Variants in DBX2 observed in about 807,000 individuals in gnomAD.
DBX2 encodes the protein homeobox protein DBX2.
In DBX2, 16 loss-of-function variants were observed where a neutral mutation model predicts 17.7. That is an observed-to-expected ratio of 0.90 (90% CI 0.61 to 1.37). The LOEUF is 1.37. Ranked by LOEUF, DBX2 falls within the 40% of genes most tolerant of loss-of-function variation. DBX2 has a pLI of 0.00. For synonymous variants in DBX2, 255 were observed against 183.8 expected (o/e 1.39, Z -3.13); for missense variants, 538 against 433.8 (o/e 1.24, Z -2.13).
Position 45,032,734 on chromosome 12 carries a change from T to C in DBX2, c.499+3285A>G, listed in dbSNP as rs547182224. ...GAATATTTGGCTCAAATCTTTATAA[T>C]GCTGCTCCAAATTTAACCTTTGTCT... On this transcript the variant is annotated intron_variant, in intron 2 of 3. Transcript: ENST00000332700. 2.0e-5 allele frequency among the ~76,000 whole-genome samples: 3 copies of C among 152,312 alleles called. No individual in the cohort carries two copies. The South Asian group carries it at 6.2e-4, about 32-fold the overall frequency.
intron 3 of DBX2, among the ~76,000 whole-genome samples, chr12:45,022,311 T>TTG (rs1946357378): frequency 7.2e-6 from 1 of 139,342 alleles, no homozygotes; most frequent in South Asian, 2.5e-4. Flanking sequence ...TTTTTTTTTT[T>TTG]TTTTTTTTTT....
At chr12:45,022,443 A>G (rs1946358441) in intron 3 of DBX2, among the ~76,000 whole-genome samples, 1 of 151,232 alleles carries the variant, frequency 6.6e-6, no homozygotes, top group East Asian at 1.9e-4. Context: ...AGCTGGGACT[A>G]CAGGCGCCAG....
rs1394128508 is a variant in DBX2 at position 45,050,628 on chromosome 12, T to G, written c.300A>C (p.Gly100=). 13 of 1,549,860 alleles carry G rather than the reference T, an allele frequency of 8.4e-6. No individual in the cohort carries two copies. Among genetic ancestry groups the G allele is most frequent in the Admixed American group, 2.0e-5 (1 of 51,058 alleles). Residue 100 remains glycine (G), a synonymous_variant, in exon 1 of 4, where the codon GGA becomes GGC. Coordinates refer to ENST00000332700, the MANE Select transcript of DBX2 (RefSeq NM_001004329.3). ...EQVSPAGAPY[G]TRWAFQVLSP... ...TGAGCACTTGAAAAGCCCACCGCGT[T>G]CCGTAGGGCGCCCCGGCGGGGCTAA...
intron 1 of DBX2, among the ~76,000 whole-genome samples, chr12:45,036,692 C>T (rs1309660095): frequency 6.6e-6 from 1 of 152,124 alleles, no homozygotes; most frequent in East Asian, 1.9e-4. Flanking sequence ...TATCTCTTTG[C>T]TTATTTTCAG....
intron 1 of DBX2, among the ~76,000 whole-genome samples, chr12:45,046,311 T>C (rs1393109348): frequency 6.6e-6 from 1 of 152,126 alleles, no homozygotes; most frequent in East Asian, 1.9e-4. Context: ...GGAAAGAATA[T>C]GGTTCTGGTA....
At chr12:45,038,528 A>C (rs1037005667) in intron 1 of DBX2, among the ~76,000 whole-genome samples, 1 of 151,428 alleles carries the variant, frequency 6.6e-6, no homozygotes, top group Non-Finnish European at 1.5e-5. Context: ...TATTGCATAC[A>C]TATTGCATCC....
intron 2 of DBX2, among the ~76,000 whole-genome samples, chr12:45,031,191 A>AGTGTGTGTGTGTGTGTGTGTGTGT (rs113442613): frequency 1.0e-5 from 1 of 99,328 alleles, no homozygotes; most frequent in African/African-American, 3.7e-5. Context: ...CTTATTTTCA[A>AGTGTGTGTGTGTGTGTGTGTGTGT]GTGTGTGTGT....
At chr12:45,044,951 A>G (rs1018640460) in intron 1 of DBX2, among the ~76,000 whole-genome samples, 3 of 152,200 alleles carry the variant, frequency 2.0e-5, no homozygotes, top group Non-Finnish European at 2.9e-5. Context: ...TGGAAACATT[A>G]CTGAAAGTAA....
chr12:45,043,748 T>G (rs563949158), intron 1 of DBX2, among the ~76,000 whole-genome samples: 1 of 152,308 alleles, frequency 6.6e-6, no homozygotes, highest in South Asian at 2.1e-4. Context: ...TTCAAGCCAC[T>G]GAGTTTTGGG....
rs761883356 is a variant in DBX2 at position 45,036,087 on chromosome 12, G to T, written c.431C>A (p.Thr144Asn). ...PAPSKPFLLSTPPFYSACCGG... is the reference protein window; with the variant it reads ...PAPSKPFLLSNPPFYSACCGG... ...GCAGCACGCCGAGTAGAATGGCGGG[G>T]TGCTCAGAAGGAAAGGTTTGGAAGG... The change falls in exon 2 of 4, where the codon ACC (threonine) becomes AAC (asparagine). Residue 144 changes from threonine to asparagine, a missense_variant. By Grantham distance (65) the Thr-to-Asn change is moderately conservative (BLOSUM62 0). Transcript: ENST00000332700. The T allele has an allele frequency of 6.2e-6, 10 of 1,613,390 alleles. No homozygotes were observed. Among genetic ancestry groups the T allele is most frequent in the Admixed American group, 3.3e-5 (2 of 59,900 alleles).
chr12:45,050,763 C>G lies in DBX2; in HGVS notation c.165G>C (p.Gln55His), dbSNP rs1946527895. ...RVGGAPTPRL[Q>H]PPAPHDPATA... ...TCGCCGGGTCGTGGGGCGCGGGCGG[C>G]TGCAGCCTGGGCGTTGGGGCGCCCC... Residue 55 changes from glutamine to histidine, a missense_variant, in exon 1 of 4, where the codon CAG becomes CAC. Transcript: ENST00000332700. 5 of 1,507,138 alleles carry G rather than the reference C, an allele frequency of 3.3e-6. No individual in the cohort carries two copies. Among genetic ancestry groups the G allele is most frequent in the Non-Finnish European group, 4.4e-6 (5 of 1,129,008 alleles). The allele number at this position is 1,507,138 out of a possible 1,614,324, so 93.4% of individuals were successfully genotyped here.
chr12:45,042,381 G>C (rs942033437), intron 1 of DBX2, among the ~76,000 whole-genome samples: 10 of 152,164 alleles, frequency 6.6e-5, no homozygotes, highest in Admixed American at 1.3e-4. Flanking sequence ...TCAGGGCCTT[G>C]ATTTGGAAAG....
intron 1 of DBX2, among the ~76,000 whole-genome samples, chr12:45,038,580 C>T (rs1946452855): frequency 6.6e-6 from 1 of 150,570 alleles, no homozygotes; most frequent in South Asian, 2.1e-4. Context: ...CTATTCTAAC[C>T]AAAATGTTTC....
chr12:45,025,581 C>T (rs997660433), intron 2 of DBX2, among the ~76,000 whole-genome samples: 1 of 151,428 alleles, frequency 6.6e-6, no homozygotes, highest in African/African-American at 2.4e-5. Flanking sequence ...CACATAGTTC[C>T]CACCCTAAAG....
In DBX2 at chr12:45,033,227, G is replaced by A. The variant is rs182383531; in HGVS notation, c.499+2792C>T. Among the ~76,000 whole-genome samples, 52 of 152,290 alleles carry A rather than the reference G, an allele frequency of 3.4e-4. No homozygotes were observed. In the East Asian group the frequency reaches 7.7e-3, roughly 23 times the overall value. On this transcript the variant is annotated intron_variant, in intron 2 of 3. Coordinates refer to ENST00000332700, the MANE Select transcript of DBX2 (RefSeq NM_001004329.3). ...AGAGTCAAAATTATACTTCACTCGCGTAGTTAAAAATGTGCTGGTCTGATC... is the reference window on the plus strand; with the variant it reads ...AGAGTCAAAATTATACTTCACTCGCATAGTTAAAAATGTGCTGGTCTGATC...
At chr12:45,025,226 A>T (rs1319940955) in intron 2 of DBX2, among the ~76,000 whole-genome samples, 1 of 152,186 alleles carries the variant, frequency 6.6e-6, no homozygotes, top group Non-Finnish European at 1.5e-5. Flanking sequence ...TAATTGGAAG[A>T]GGGAGGCAAA....
In DBX2 at chr12:45,035,998, T is replaced by C. The variant is rs777222663; in HGVS notation, c.499+21A>G. Reference sequence around the variant, plus strand: ...GTTTACAGAATAACTGAGGCATTGCTGATGAAGGATAAAAACTTACTTGGA... The same window carrying C: ...GTTTACAGAATAACTGAGGCATTGCCGATGAAGGATAAAAACTTACTTGGA... On this transcript the variant is annotated intron_variant, in intron 2 of 3. Coordinates refer to ENST00000332700, the MANE Select transcript of DBX2 (RefSeq NM_001004329.3). The C allele has an allele frequency of 1.1e-5, 17 of 1,604,920 alleles. No homozygotes were observed. In the African/African-American group the frequency reaches 1.9e-4, roughly 18 times the overall value.
intron 2 of DBX2, among the ~76,000 whole-genome samples, chr12:45,028,597 A>G (rs1348353002): frequency 1.3e-5 from 2 of 152,184 alleles, no homozygotes; most frequent in East Asian, 3.9e-4. Flanking sequence ...GAAGATTCCC[A>G]TTAAGAGAGT....
At chr12:45,050,451 G>A in intron 1 of DBX2, 74 bp downstream of exon 1, 1 of 1,508,076 alleles carries the variant, frequency 6.6e-7, no homozygotes, top group Non-Finnish European at 8.9e-7. Context: ...CGCACCGCCG[G>A]CGCTCCCAGA....
Sources: gnomAD v4.1 joint callset for allele counts (sites outside exome capture counted in the v4.1 genomes callset) on GRCh38, gnomAD v4.1.1 for gene constraint, MANE v1.5 for transcripts, NCBI Gene and HGNC (gene_info 2026-07-23, HGNC 2026-07-21) for gene names.